SHANK2: variants seen among roughly 807,000 people sequenced by gnomAD.
SHANK2 encodes SH3 and multiple ankyrin repeat domains 2, also known as SH3 and multiple ankyrin repeat domains protein 2.
SHANK2 carries 43 observed loss-of-function variants against 133.7 expected under a neutral mutation model. That is an observed-to-expected ratio of 0.32 (90% CI 0.25 to 0.41). SHANK2 has a LOEUF of 0.41. Ranked by LOEUF, SHANK2 falls within the 10% of genes least tolerant of loss-of-function variation. The pLI is 1.00. For synonymous variants in SHANK2, 1,017 were observed against 952.8 expected (o/e 1.07, Z -1.24); for missense variants, 1,994 against 2,235.8 (o/e 0.89, Z 2.18).
At chr11:70,655,364 A>C (rs2134236115) in intron 17 of SHANK2, among the ~76,000 whole-genome samples, 1 of 152,342 alleles carries the variant, frequency 6.6e-6, no homozygotes, top group Non-Finnish European at 1.5e-5. Context: ...GAGTCAGACA[A>C]TGTGGGTTGG....
intron 17 of SHANK2, among the ~76,000 whole-genome samples, chr11:70,643,087 T>C (rs1466396886): frequency 2.0e-5 from 3 of 152,146 alleles, no homozygotes; most frequent in Admixed American, 6.5e-5. Flanking sequence ...AGTTAACAAA[T>C]AGCTGAGCCC....
intron 3 of SHANK2, among the ~76,000 whole-genome samples, chr11:71,122,697 CGACCACGTGAATG>C (rs1196996234): frequency 6.6e-6 from 1 of 152,084 alleles, no homozygotes; most frequent in Non-Finnish European, 1.5e-5. Flanking sequence ...CACGGGGAGA[CGACCACGTGAATG>C]GGAAGGCAGA....
chr11:70,660,224 T>C (rs1445824761), intron 16 of SHANK2, among the ~76,000 whole-genome samples: 2 of 152,188 alleles, frequency 1.3e-5, no homozygotes, highest in Non-Finnish European at 2.9e-5. Flanking sequence ...CTGTGGTACA[T>C]GTCTACACGC....
At chr11:70,641,331 G>C (rs2061178620) in intron 17 of SHANK2, among the ~76,000 whole-genome samples, 1 of 152,146 alleles carries the variant, frequency 6.6e-6, no homozygotes, top group Non-Finnish European at 1.5e-5. Flanking sequence ...CTGACCTTGT[G>C]ATCTGCCCGC....
chr11:70,764,797 C>T (rs1947082462), intron 14 of SHANK2, among the ~76,000 whole-genome samples: 1 of 151,028 alleles, frequency 6.6e-6, no homozygotes, highest in Non-Finnish European at 1.5e-5. Flanking sequence ...CTCACACATC[C>T]ATCTGTGCTT....
chr11:70,599,903 AAGAGAAAG>A (rs1565166225), intron 17 of SHANK2, among the ~76,000 whole-genome samples: 1 of 79,586 alleles, frequency 1.3e-5, no homozygotes, highest in East Asian at 3.9e-4. Context: ...GAAAGAAAGA[AAGAGAAAG>A]AAAGAAAGAA....
Position 70,629,396 on chromosome 11 carries a change from G to A in SHANK2, c.2061+30432C>T, listed in dbSNP as rs555057324. On this transcript the variant is annotated intron_variant, in intron 17 of 25. Coordinates refer to ENST00000601538, the MANE Select transcript of SHANK2 (RefSeq NM_012309.5). ...CCTAGTGCTTGGTGATGAGGACACA[G>A]AATAGAGTGTGGCTCTGCTGCTGGC... Among the ~76,000 whole-genome samples the A allele has an allele frequency of 4.3e-4, 65 of 152,356 alleles. 1 individual carries two copies. The South Asian group carries it at 6.4e-3, about 15-fold the overall frequency.
At chr11:70,754,912 C>T (rs535951566) in intron 14 of SHANK2, among the ~76,000 whole-genome samples, 35 of 152,118 alleles carry the variant, frequency 2.3e-4, no homozygotes, top group African/African-American at 7.0e-4. Context: ...AGAGAGACAT[C>T]GATTACAGGG....
chr11:70,513,209 T>C (rs773350823), intron 17 of SHANK2, among the ~76,000 whole-genome samples: 24 of 151,946 alleles, frequency 1.6e-4, no homozygotes, highest in Non-Finnish European at 2.6e-4. Context: ...GCAGTTCTGA[T>C]AGAAATCAGA....
chr11:70,641,481 C>G lies in SHANK2; in HGVS notation c.2061+18347G>C, dbSNP rs73523877. ...TCAACAGCAGAGAATGGCATGTGCT[C>G]TCCTTCCAGAGGCACAGCAAGACCG... On this transcript the variant is annotated intron_variant, in intron 17 of 25. Coordinates refer to ENST00000601538, the MANE Select transcript of SHANK2 (RefSeq NM_012309.5). Among the ~76,000 whole-genome samples the G allele has an allele frequency of 3.0e-3, 453 of 152,356 alleles. 3 individuals are homozygous for G. The highest frequency in any genetic ancestry group is 0.011 in the African/African-American group (440 of 41,592).
intron 6 of SHANK2, among the ~76,000 whole-genome samples, chr11:71,097,197 G>A (rs782051970): frequency 7.2e-5 from 11 of 152,104 alleles, no homozygotes; most frequent in Non-Finnish European, 1.6e-4. Context: ...ACCCTGGGGA[G>A]GTCAGGAGAC....
At chr11:70,526,483 C>T (rs571070608) in intron 17 of SHANK2, among the ~76,000 whole-genome samples, 7 of 152,174 alleles carry the variant, frequency 4.6e-5, no homozygotes, top group African/African-American at 1.2e-4. Flanking sequence ...GTCTCTACCC[C>T]GAGGTGAACA....
chr11:70,545,843 C>T (rs2059686196), intron 17 of SHANK2, among the ~76,000 whole-genome samples: 1 of 152,214 alleles, frequency 6.6e-6, no homozygotes, highest in Non-Finnish European at 1.5e-5. Flanking sequence ...ATGACCCACA[C>T]TTCTGCCTGG....
chr11:70,835,039 CAA>C (rs1202506205), intron 11 of SHANK2, among the ~76,000 whole-genome samples: 5 of 152,110 alleles, frequency 3.3e-5, no homozygotes, highest in African/African-American at 7.2e-5. Flanking sequence ...GGTCTGACCA[CAA>C]AGAGAGGTGA....
At chr11:70,776,940 T>C (rs1947378114) in intron 14 of SHANK2, among the ~76,000 whole-genome samples, 1 of 146,170 alleles carries the variant, frequency 6.8e-6, no homozygotes, top group African/African-American at 2.5e-5. Flanking sequence ...CATTTAGACA[T>C]CCATCCACCC....
chr11:70,773,041 T>A (rs954090025), intron 14 of SHANK2, among the ~76,000 whole-genome samples: 4 of 152,138 alleles, frequency 2.6e-5, no homozygotes, highest in Admixed American at 1.3e-4. Flanking sequence ...GCTCCTCTAA[T>A]CCCCCAGTCT....
intron 10 of SHANK2, among the ~76,000 whole-genome samples, chr11:70,935,853 C>T (rs1368382010): frequency 3.3e-5 from 5 of 152,128 alleles, no homozygotes; most frequent in African/African-American, 9.7e-5. Context: ...GTCATGTGAG[C>T]GGGCCTCTTA....
intron 10 of SHANK2, among the ~76,000 whole-genome samples, chr11:70,944,220 T>C (rs959360016): frequency 6.6e-6 from 1 of 152,222 alleles, no homozygotes; most frequent in African/African-American, 2.4e-5. Context: ...TCCTGTAAGG[T>C]GGAAACACAT....
At chr11:71,205,801 A>C (rs1954115785) in intron 2 of SHANK2, among the ~76,000 whole-genome samples, 1 of 152,146 alleles carries the variant, frequency 6.6e-6, no homozygotes, top group Non-Finnish European at 1.5e-5. Context: ...CAGAGTCCAC[A>C]GGGTCACTGT....
Sources: gnomAD v4.1 joint callset for allele counts (sites outside exome capture counted in the v4.1 genomes callset) on GRCh38, gnomAD v4.1.1 for gene constraint, MANE v1.5 for transcripts, NCBI Gene and HGNC (gene_info 2026-07-23, HGNC 2026-07-21) for gene names.